Variants in IP6K3 observed in about 807,000 individuals in gnomAD.
IP6K3 encodes inositol hexakisphosphate kinase 3.
Under a neutral mutation model 28.8 loss-of-function variants are expected in IP6K3, and 20 were observed. The ratio of observed to expected loss-of-function variants is 0.70; its 90% confidence interval spans 0.49 to 1.01. The LOEUF is 1.01. Ranked by LOEUF, IP6K3 falls within the 50% of genes least tolerant of loss-of-function variation. The pLI, the probability that IP6K3 is intolerant of heterozygous loss-of-function variation, is 0.00. For missense variants in IP6K3, 480 were observed against 537.1 expected, an observed-to-expected ratio of 0.89 and a Z score of 1.05; for synonymous variants, 213 against 221.3, an observed-to-expected ratio of 0.96 and a Z score of 0.33.
At position 33,728,111 on chromosome 6, in the gene IP6K3, T is replaced by C; in HGVS notation, c.389A>G (p.Gln130Arg). Residue 130 changes from glutamine to arginine, a missense_variant, in exon 3 of 6, where the codon CAG (glutamine) becomes CGG (arginine). Transcript: ENST00000293756. ...DCTLAQWPHAQLARSPKESPA... is the reference protein window; with the variant it reads ...DCTLAQWPHARLARSPKESPA... Reference sequence around the variant, plus strand: ...CCTCTCCTTGGGTGAGCGTGCCAGCTGGGCATGCGGCCACTGGGCAAGGGT... The same window carrying C: ...CCTCTCCTTGGGTGAGCGTGCCAGCCGGGCATGCGGCCACTGGGCAAGGGT... 1 of 1,606,630 alleles carries C rather than the reference T, an allele frequency of 6.2e-7. No homozygotes were observed. Among genetic ancestry groups the C allele is most frequent in the Non-Finnish European group, 8.5e-7 (1 of 1,179,898 alleles).
rs1056471987 is a variant in IP6K3, at chr6:33,744,274, A to G, written c.-180+2484T>C. 2.6e-5 allele frequency among the ~76,000 whole-genome samples: 4 copies of G among 151,886 alleles called. No homozygotes were observed. Among genetic ancestry groups the G allele is most frequent in the Non-Finnish European group, 5.9e-5 (4 of 67,998 alleles). On this transcript the variant is annotated intron_variant, in intron 1 of 5. Transcript: ENST00000293756. This position sits in a 1 kb window ranked among gnomAD's most constrained non-coding sequence, Gnocchi z 4.4. Reference sequence around the variant, plus strand: ...GCTAAACACCCAGACCTGCCTACACATTTCCCAGCCTCCAACACCCTGCCC... The same window carrying G: ...GCTAAACACCCAGACCTGCCTACACGTTTCCCAGCCTCCAACACCCTGCCC...
the IP6K3 span, among the ~76,000 whole-genome samples, chr6:33,760,892 G>A: frequency 6.6e-6 from 1 of 151,708 alleles, no homozygotes; most frequent in African/African-American, 2.4e-5. Flanking sequence ...AGTCCTGGGA[G>A]CCCCCGCCTG....
In IP6K3 at chr6:33,742,252, C is replaced by T. The variant is rs12202730; in HGVS notation, c.-180+4506G>A. Among the ~76,000 whole-genome samples, 6,286 of 152,246 alleles carry T rather than the reference C, an allele frequency of 0.041. 213 individuals are homozygous for T. The highest frequency in any genetic ancestry group is 0.065 in the Non-Finnish European group (4,442 of 68,000). On this transcript the variant is annotated intron_variant, in intron 1 of 5. Transcript: ENST00000293756. The surrounding 1 kb of genome is among the most constrained non-coding windows in gnomAD (Gnocchi z 4.5). ...CTGAAGTCGACGCCCATTCTGACCA[C>T]GTGCAGTCTGCTTGGACGGGGAGTG...
the IP6K3 span, among the ~76,000 whole-genome samples, chr6:33,757,924 A>G: frequency 6.6e-6 from 1 of 152,186 alleles, no homozygotes. Context: ...CCTCACATAC[A>G]TCCGAGGCAG....
chr6:33,729,936 A>G (rs1239177496), intron 2 of IP6K3, among the ~76,000 whole-genome samples: 1 of 151,538 alleles, frequency 6.6e-6, no homozygotes, highest in Non-Finnish European at 1.5e-5. Flanking sequence ...CTGGTGTCGA[A>G]CTCCTGACCT....
upstream of IP6K3, among the ~76,000 whole-genome samples, chr6:33,750,732 C>T (rs1448694635): frequency 2.6e-5 from 4 of 152,174 alleles, no homozygotes; most frequent in Admixed American, 6.5e-5. The surrounding 1 kb of genome is among the most constrained non-coding windows in gnomAD (Gnocchi z 4.3). Context: ...CTCCTGGGCT[C>T]GCCATGCTCT....
chr6:33,747,584 T>C (rs1766948636), upstream of IP6K3, among the ~76,000 whole-genome samples: 1 of 151,782 alleles, frequency 6.6e-6, no homozygotes, highest in South Asian at 2.1e-4. This position sits in a 1 kb window ranked among gnomAD's most constrained non-coding sequence, Gnocchi z 5.2. Context: ...AACAGGGTCA[T>C]TTGGTTGAGT....
At chr6:33,759,741 CGGGTGCCTGTAGTCCCAGCTACTT>C in the IP6K3 span, among the ~76,000 whole-genome samples, 6 of 151,980 alleles carry the variant, frequency 3.9e-5, no homozygotes, top group African/African-American at 1.4e-4. Flanking sequence ...GGCGTGGTGG[CGGGTGCCTGTAGTCCCAGCTACTT>C]GGGAGGCTGA....
intron 2 of IP6K3, 75 bp from the exon 3 acceptor site, chr6:33,728,375 G>A (rs1478153643): frequency 3.6e-6 from 5 of 1,390,878 alleles, no homozygotes; most frequent in African/African-American, 2.8e-5. Context: ...GAGTGATGAC[G>A]AGTTGGGAAT....
chr6:33,761,920 G>A, the IP6K3 span, among the ~76,000 whole-genome samples: 1 of 152,092 alleles, frequency 6.6e-6, no homozygotes, highest in Non-Finnish European at 1.5e-5. Context: ...GATGGGGCTC[G>A]ACGGACCCTG....
chr6:33,743,870 T>C (rs1433072685), intron 1 of IP6K3, among the ~76,000 whole-genome samples: 1 of 152,150 alleles, frequency 6.6e-6, no homozygotes, highest in Non-Finnish European at 1.5e-5. Context: ...TTTTTCTTTT[T>C]TTTTTCTTAA....
intron 2 of IP6K3, among the ~76,000 whole-genome samples, chr6:33,729,306 G>C (rs1766235996): frequency 6.6e-6 from 1 of 152,246 alleles, no homozygotes; most frequent in African/African-American, 2.4e-5. Flanking sequence ...CACCCTTGTG[G>C]TTTTGGGAGA....
chr6:33,750,310 C>T (rs1296369501), upstream of IP6K3, among the ~76,000 whole-genome samples: 1 of 152,202 alleles, frequency 6.6e-6, no homozygotes, highest in East Asian at 1.9e-4. This position sits in a 1 kb window ranked among gnomAD's most constrained non-coding sequence, Gnocchi z 4.3. Context: ...CACTTTGCTG[C>T]TTAATACTCT....
the IP6K3 span, among the ~76,000 whole-genome samples, chr6:33,753,686 C>T: frequency 1.3e-5 from 2 of 152,290 alleles, no homozygotes; most frequent in South Asian, 4.1e-4. Flanking sequence ...CAGCTCCTTG[C>T]CAAGACAACA....
chr6:33,756,108 C>A, the IP6K3 span, among the ~76,000 whole-genome samples: 1 of 152,210 alleles, frequency 6.6e-6, no homozygotes, highest in South Asian at 2.1e-4. Flanking sequence ...AGGTGATCCA[C>A]CTGCCCTGGC....
the IP6K3 span, among the ~76,000 whole-genome samples, chr6:33,760,630 C>G: frequency 6.6e-6 from 1 of 152,170 alleles, no homozygotes; most frequent in Non-Finnish European, 1.5e-5. Context: ...TGGGTTCAAG[C>G]GATTCTCCTG....
chr6:33,732,463 C>T (rs980437353), intron 2 of IP6K3, among the ~76,000 whole-genome samples: 2 of 152,224 alleles, frequency 1.3e-5, no homozygotes, highest in African/African-American at 2.4e-5. Context: ...CTGAATGACC[C>T]TGGGCAAGTC....
At chr6:33,726,548 C>T (rs1766119945) in intron 4 of IP6K3, among the ~76,000 whole-genome samples, 183 bp downstream of exon 4, 1 of 152,186 alleles carries the variant, frequency 6.6e-6, no homozygotes. Context: ...TTGGAGGCAC[C>T]TGATTTCTTC....
At position 33,722,820 on chromosome 6, in the gene IP6K3, T is replaced by G. The variant is rs34343647; in HGVS notation, c.1133A>C (p.Tyr378Ser). 5.4e-3 allele frequency: 8,714 copies of G among 1,614,136 alleles called. 121 individuals carry two copies. The highest frequency in any genetic ancestry group is 0.031 in the South Asian group (2,860 of 91,068). The change falls in exon 6 of 6, where the codon TAC becomes TCC. Residue 378 changes from tyrosine to serine, a missense_variant. Tyr to Ser is a moderately radical substitution (Grantham distance 144). Coordinates refer to ENST00000293756, the MANE Select transcript of IP6K3 (RefSeq NM_054111.5). The stretch of plus-strand genomic sequence containing the variant: ...ATCGTAGGTGGTGTGCTCATTCCAG[T>G]AGCCCTTGTATGTGGTATGAGCAAA... ...IDFAHTTYKG[Y>S]WNEHTTYDGP...
Sources: gnomAD v4.1 joint callset for allele counts (sites outside exome capture counted in the v4.1 genomes callset) on GRCh38, gnomAD v4.1.1 for gene constraint, Gnocchi (gnomAD v3.1) non-coding constraint, MANE v1.5 for transcripts, NCBI Gene and HGNC (gene_info 2026-07-23, HGNC 2026-07-21) for gene names.